PAK5: variants seen among roughly 807,000 people sequenced by gnomAD.
The protein encoded by PAK5 is p21 (RAC1) activated kinase 5.
PAK5 carries 16 observed loss-of-function variants against 65.9 expected under a neutral mutation model. The ratio of observed to expected loss-of-function variants is 0.24; its 90% CI spans 0.16 to 0.37. The LOEUF is 0.37. Ranked by LOEUF, PAK5 falls within the 10% of genes least tolerant of loss-of-function variation. The pLI is 1.00. For synonymous variants in PAK5, 371 were observed against 354.9 expected, an observed-to-expected ratio of 1.05 and a Z score of -0.51; for missense variants, 785 against 903.9, an observed-to-expected ratio of 0.87 and a Z score of 1.69.
chr20:9,781,874 T>C (rs1365870184), intron 1 of PAK5, among the ~76,000 whole-genome samples: 1 of 152,150 alleles, frequency 6.6e-6, no homozygotes, highest in Non-Finnish European at 1.5e-5. Context: ...ATAAATGTAT[T>C]GGAACAGGTC....
At chr20:9,564,893 T>G (rs1017664441) in intron 5 of PAK5, among the ~76,000 whole-genome samples, 2 of 151,860 alleles carry the variant, frequency 1.3e-5, no homozygotes, top group Non-Finnish European at 1.5e-5. Flanking sequence ...TATTTTACAT[T>G]AATAAAAATA....
intron 1 of PAK5, among the ~76,000 whole-genome samples, chr20:9,779,008 T>C (rs1213256858): frequency 4.6e-5 from 7 of 152,162 alleles, no homozygotes; most frequent in Admixed American, 4.6e-4. Context: ...ATGATGATTA[T>C]TTTTCCTTTA....
chr20:9,763,438 C>T (rs1253605255), intron 1 of PAK5, among the ~76,000 whole-genome samples: 9 of 151,934 alleles, frequency 5.9e-5, no homozygotes, highest in Admixed American at 5.9e-4. Flanking sequence ...TACATGTCAA[C>T]CATTCTGCAA....
chr20:9,654,092 GC>G lies in PAK5; in HGVS notation c.-11-9754del, dbSNP rs2047235698. ...GGGTTCAAGCGATTCTCTGGCCTCA[GC>G]CACCTGAGTGGCTGGGATTACAGGC... is the stretch of plus-strand genomic sequence containing the variant. On this transcript the variant is annotated intron_variant, in intron 2 of 9. Coordinates refer to ENST00000353224, the MANE Select transcript of PAK5 (RefSeq NM_177990.4). Among the ~76,000 whole-genome samples the G allele has an allele frequency of 5.3e-5, 8 of 151,866 alleles. No individual in the cohort carries two copies. In the South Asian group the frequency reaches 1.7e-3, roughly 32 times the overall value.
chr20:9,790,025 G>A (rs1383572308), intron 1 of PAK5, among the ~76,000 whole-genome samples: 3 of 152,112 alleles, frequency 2.0e-5, no homozygotes, highest in Non-Finnish European at 4.4e-5. Context: ...GGAGCTGGCA[G>A]AATTTAGTTT....
chr20:9,541,498 A>G (rs977090225), intron 9 of PAK5, among the ~76,000 whole-genome samples: 1 of 152,110 alleles, frequency 6.6e-6, no homozygotes, highest in African/African-American at 2.4e-5. Flanking sequence ...CTCTGACAAG[A>G]CCTACCTTTT....
chr20:9,684,601 T>C (rs1390067373), intron 2 of PAK5, among the ~76,000 whole-genome samples: 1 of 152,222 alleles, frequency 6.6e-6, no homozygotes. Context: ...GACATTTAGA[T>C]GTTTGCACTG....
In PAK5 at chr20:9,539,268, G is replaced by T; in HGVS notation, c.*194C>A. ...AGCCGTGCTCCAAGTGACCACACCG[G>T]CTGTCAGTGGAGAGATGCCTGTTTA... is the stretch of plus-strand genomic sequence containing the variant. On this transcript the variant is annotated 3_prime_UTR_variant, in exon 10 of 10. Coordinates refer to ENST00000353224, the MANE Select transcript of PAK5 (RefSeq NM_177990.4). 3.6e-6 allele frequency: 2 copies of T among 562,612 alleles called. No individual in the cohort carries two copies. The highest frequency in any genetic ancestry group is 6.4e-6 in the Non-Finnish European group (2 of 311,716). 34.9% of individuals were successfully genotyped at this position (562,612 alleles called of 1,614,324 possible).
At chr20:9,613,699 T>C (rs1282428611) in intron 3 of PAK5, among the ~76,000 whole-genome samples, 4 of 152,232 alleles carry the variant, frequency 2.6e-5, no homozygotes, top group Non-Finnish European at 5.9e-5. Context: ...CAGAGCCTAA[T>C]GGACCTGGAG....
At chr20:9,784,951 A>C (rs1222706222) in intron 1 of PAK5, among the ~76,000 whole-genome samples, 2 of 152,144 alleles carry the variant, frequency 1.3e-5, no homozygotes, top group Non-Finnish European at 2.9e-5. Context: ...TTTAGTCTCA[A>C]AGGAAGACAT....
chr20:9,540,238 A>G (rs943904566), intron 9 of PAK5, among the ~76,000 whole-genome samples: 4 of 152,096 alleles, frequency 2.6e-5, no homozygotes, highest in Non-Finnish European at 4.4e-5. Flanking sequence ...CAGCATGCCC[A>G]GGTTCCGCTG....
chr20:9,600,169 G>T (rs553529034), intron 3 of PAK5, among the ~76,000 whole-genome samples: 1 of 152,128 alleles, frequency 6.6e-6, no homozygotes, highest in East Asian at 1.9e-4. Flanking sequence ...ATATGTGAGG[G>T]TTTGTTTCTG....
intron 3 of PAK5, among the ~76,000 whole-genome samples, chr20:9,618,914 C>CTTTTTTTTT (rs2046714022): frequency 4.6e-5 from 1 of 21,852 alleles, no homozygotes; most frequent in Non-Finnish European, 9.0e-5. Context: ...CTCTTTCTTT[C>CTTTTTTTTT]GTTTTTTTTT....
Position 9,573,918 on chromosome 20 carries a change from C to G in PAK5, c.990+6227G>C, listed in dbSNP as rs571334632. ...GCACAATAAAACAAAGACTGCTCAT[C>G]TCGAAAATGAAAACGCCAGGCTGGG... On this transcript the variant is annotated intron_variant, in intron 4 of 9. Coordinates refer to ENST00000353224, the MANE Select transcript of PAK5 (RefSeq NM_177990.4). Among the ~76,000 whole-genome samples the G allele has an allele frequency of 6.6e-5, 10 of 152,292 alleles. No homozygotes were observed. The South Asian group carries it at 1.2e-3, about 19-fold the overall frequency.
chr20:9,831,225 G>A (rs1048069351), intron 1 of PAK5, among the ~76,000 whole-genome samples: 9 of 152,182 alleles, frequency 5.9e-5, no homozygotes, highest in Admixed American at 3.3e-4. Context: ...GTGTGTGCGC[G>A]CGTGCGTGTG....
intron 2 of PAK5, among the ~76,000 whole-genome samples, chr20:9,670,621 T>C (rs2123366107): frequency 6.6e-6 from 1 of 152,342 alleles, no homozygotes; most frequent in East Asian, 1.9e-4. Context: ...AATGGGGTTG[T>C]TTGATTTTCT....
At chr20:9,564,725 T>C (rs960593159) in intron 5 of PAK5, among the ~76,000 whole-genome samples, 5 of 152,134 alleles carry the variant, frequency 3.3e-5, no homozygotes, top group Admixed American at 6.5e-5. Context: ...CAAAGACTTA[T>C]GTGTAACAAC....
chr20:9,814,137 G>A (rs368411497), intron 1 of PAK5, among the ~76,000 whole-genome samples: 99 of 152,096 alleles, frequency 6.5e-4, no homozygotes, highest in African/African-American at 2.3e-3. Flanking sequence ...AGGATGGCCA[G>A]GCAGAGAATG....
chr20:9,585,229 A>G (rs900458962), intron 3 of PAK5, among the ~76,000 whole-genome samples: 1 of 152,166 alleles, frequency 6.6e-6, no homozygotes, highest in African/African-American at 2.4e-5. Flanking sequence ...AATACACAAA[A>G]TATTCAGTCT....
Sources: allele counts gnomAD v4.1 joint callset (sites outside exome capture counted in the v4.1 genomes callset), GRCh38; gene constraint gnomAD v4.1.1; transcripts MANE v1.5; gene names NCBI Gene and HGNC (gene_info 2026-07-23, HGNC 2026-07-21).